The following TNPO1 variants were observed in gnomAD, a reference collection of about 807,000 sequenced individuals.
TNPO1 encodes transportin-1.
Under a neutral mutation model 119.5 loss-of-function variants are expected in TNPO1, and 8 were observed. The ratio of observed to expected loss-of-function variants is 0.07; its 90% CI spans 0.04 to 0.12. TNPO1 has a LOEUF of 0.12. TNPO1 is among the 10% of genes least tolerant of loss of function. TNPO1 has a pLI of 1.00. For missense variants in TNPO1, 576 were observed against 1,089.8 expected (o/e 0.53, Z 6.64); for synonymous variants, 362 against 363.0 (o/e 1.00, Z 0.03).
At chr5:72,860,456 G>A (rs577115339) in intron 4 of TNPO1, among the ~76,000 whole-genome samples, 4 of 152,114 alleles carry the variant, frequency 2.6e-5, no homozygotes, top group Non-Finnish European at 5.9e-5. Context: ...TGTTGTCCTT[G>A]TGTTTGTGTT....
Position 72,888,232 on chromosome 5 carries a change from G to A in TNPO1, c.1458G>A (p.Leu486=). The change falls in exon 13 of 25, where the codon CTG becomes CTA. Residue 486 remains leucine, a synonymous_variant. Coordinates refer to ENST00000337273, the MANE Select transcript of TNPO1 (RefSeq NM_002270.4). ...WVVSQPPDTY[L]KPLMTELLKR... ...TCAGCCAGCCGCCAGACACGTACCT[G>A]AAGCCATTAATGACAGAATTGCTAA... 6.2e-7 allele frequency: 1 copy of A among 1,614,100 alleles called. No individual in the cohort carries two copies. Among genetic ancestry groups the A allele is most frequent in the Non-Finnish European group, 8.5e-7 (1 of 1,180,016 alleles).
intron 1 of TNPO1, among the ~76,000 whole-genome samples, chr5:72,843,451 G>A (rs769039028): frequency 2.6e-5 from 4 of 151,696 alleles, no homozygotes; most frequent in Non-Finnish European, 5.9e-5. Flanking sequence ...AAAATTAACC[G>A]AGCGTGCTAG....
chr5:72,826,840 GA>G (rs1386185202), intron 1 of TNPO1, among the ~76,000 whole-genome samples: 1 of 152,124 alleles, frequency 6.6e-6, no homozygotes, highest in East Asian at 1.9e-4. Flanking sequence ...CTGGGGAGGG[GA>G]CCGAGATTAA....
intron 21 of TNPO1, among the ~76,000 whole-genome samples, chr5:72,900,526 TC>T (rs2112487429): frequency 6.6e-6 from 1 of 152,340 alleles, no homozygotes; most frequent in African/African-American, 2.4e-5. Context: ...AAGTTAAACA[TC>T]TACACCATAA....
At chr5:72,831,237 C>T (rs1156293618) in intron 1 of TNPO1, among the ~76,000 whole-genome samples, 1 of 151,966 alleles carries the variant, frequency 6.6e-6, no homozygotes, top group Non-Finnish European at 1.5e-5. Flanking sequence ...AATATAGGCC[C>T]TCTTTTCTAA....
At chr5:72,820,605 A>G (rs1743915713) in intron 1 of TNPO1, among the ~76,000 whole-genome samples, 1 of 152,304 alleles carries the variant, frequency 6.6e-6, no homozygotes, top group South Asian at 2.1e-4. Flanking sequence ...AACAAAGTGT[A>G]AATAGGTAAG....
intron 12 of TNPO1, among the ~76,000 whole-genome samples, chr5:72,887,774 A>T (rs910112730): frequency 2.0e-5 from 3 of 152,180 alleles, no homozygotes; most frequent in Non-Finnish European, 4.4e-5. Context: ...AAAATCCTTG[A>T]TTCTTTAGGT....
chr5:72,886,854 A>G (rs894655643), intron 11 of TNPO1, among the ~76,000 whole-genome samples: 12 of 131,444 alleles, frequency 9.1e-5, no homozygotes, highest in African/African-American at 3.5e-4. Flanking sequence ...GCACCACTGC[A>G]CTCCAGCCTG....
At chr5:72,838,423 C>A (rs1053244581) in intron 1 of TNPO1, among the ~76,000 whole-genome samples, 2 of 152,140 alleles carry the variant, frequency 1.3e-5, no homozygotes, top group Admixed American at 6.5e-5. Context: ...GTATGTCTCA[C>A]TTTATTAATT....
At chr5:72,904,960 G>A (rs1028742862) in intron 23 of TNPO1, among the ~76,000 whole-genome samples, 2 of 152,328 alleles carry the variant, frequency 1.3e-5, no homozygotes, top group Non-Finnish European at 2.9e-5. Context: ...TGAGAATCAA[G>A]TGAAACGGGT....
intron 6 of TNPO1, among the ~76,000 whole-genome samples, chr5:72,868,458 A>AAAAAAAAC (rs1554052270): frequency 5.8e-4 from 66 of 113,408 alleles, no homozygotes; most frequent in Non-Finnish European, 1.1e-3. Context: ...AAAAAAAAAA[A>AAAAAAAAC]ACACAAAATA....
At chr5:72,833,321 G>A (rs1744560269) in intron 1 of TNPO1, among the ~76,000 whole-genome samples, 1 of 152,054 alleles carries the variant, frequency 6.6e-6, no homozygotes, top group Admixed American at 6.5e-5. Context: ...GAATGTTTTA[G>A]GGAGTTCGTC....
At chr5:72,820,522 AT>A (rs1191176302) in intron 1 of TNPO1, among the ~76,000 whole-genome samples, 2 of 152,132 alleles carry the variant, frequency 1.3e-5, no homozygotes, top group Admixed American at 6.5e-5. Context: ...TGTCACTTTC[AT>A]GTACATTTTT....
rs1279585454 is a variant in TNPO1 at position 72,909,231 on chromosome 5, G to C, written c.*558G>C. ...ACAAAGAAAACTAATATAGTTAAAA[G>C]TCAGCTTGCCTTCCCGTAGTAGAAG... On this transcript the variant is annotated 3_prime_UTR_variant, in exon 25 of 25. Transcript: ENST00000337273. 4.6e-5 allele frequency: 7 copies of C among 151,846 alleles called. No homozygotes were observed. In the East Asian group the frequency reaches 1.4e-3, roughly 29 times the overall value. 9.4% of individuals were successfully genotyped at this position (151,846 alleles called of 1,614,324 possible).
chr5:72,873,861 T>A (rs1244015068), intron 7 of TNPO1, among the ~76,000 whole-genome samples: 2 of 152,144 alleles, frequency 1.3e-5, no homozygotes, highest in African/African-American at 4.8e-5. Flanking sequence ...ATTGGAACAA[T>A]GGCTGCCACA....
intron 2 of TNPO1, among the ~76,000 whole-genome samples, chr5:72,848,918 C>T (rs766239460): frequency 1.3e-5 from 2 of 151,676 alleles, no homozygotes; most frequent in Non-Finnish European, 2.9e-5. Context: ...GCAGGCCGAG[C>T]GGGAGGCCGG....
At chr5:72,835,999 G>A (rs1368035483) in intron 1 of TNPO1, among the ~76,000 whole-genome samples, 1 of 152,220 alleles carries the variant, frequency 6.6e-6, no homozygotes, top group African/African-American at 2.4e-5. Context: ...GTTGGGTAGG[G>A]GTTGGGCCCC....
intron 1 of TNPO1, among the ~76,000 whole-genome samples, chr5:72,837,453 A>G (rs1422515531): frequency 6.6e-6 from 1 of 152,200 alleles, no homozygotes; most frequent in African/African-American, 2.4e-5. Context: ...CAGAGCCTTC[A>G]TGACAATGGC....
At chr5:72,890,021 G>A in intron 14 of TNPO1, 64 bp downstream of exon 14, 1 of 1,537,394 alleles carries the variant, frequency 6.5e-7, no homozygotes. Context: ...TAATAGATTA[G>A]CATATATTTG....
Sources: gnomAD v4.1 joint callset for allele counts (sites outside exome capture counted in the v4.1 genomes callset) on GRCh38, gnomAD v4.1.1 for gene constraint, MANE v1.5 for transcripts, NCBI Gene and HGNC (gene_info 2026-07-23, HGNC 2026-07-21) for gene names.